Variants in CALN1 observed in about 807,000 individuals in gnomAD.
CALN1 encodes calneuron 1.
Under a neutral mutation model 30.6 loss-of-function variants are expected in CALN1, and 17 were observed. That is an observed-to-expected ratio of 0.56 (90% CI 0.38 to 0.83). The LOEUF (loss-of-function observed/expected upper bound fraction) is 0.83. CALN1 is among the 40% of genes least tolerant of loss of function. CALN1 has a pLI of 0.00. For synonymous variants in CALN1, 156 were observed against 131.4 expected (o/e 1.19, Z -1.28); for missense variants, 291 against 354.9 (o/e 0.82, Z 1.45).
chr7:72,449,498 C>T (rs564712069), upstream of CALN1, among the ~76,000 whole-genome samples: 17 of 152,270 alleles, frequency 1.1e-4, no homozygotes, highest in South Asian at 2.9e-3. Flanking sequence ...CCCTCTGTGC[C>T]CACTTTACCC....
At chr7:72,378,683 C>T (rs980157179) in intron 2 of CALN1, among the ~76,000 whole-genome samples, 3 of 44,708 alleles carry the variant, frequency 6.7e-5, no homozygotes, top group Admixed American at 3.8e-4. Flanking sequence ...TTTCCATCTG[C>T]CAAGTTTTTT....
intron 4 of CALN1, among the ~76,000 whole-genome samples, chr7:72,083,156 G>A (rs34913023): frequency 1.3e-5 from 2 of 151,834 alleles, no homozygotes; most frequent in Non-Finnish European, 2.9e-5. Flanking sequence ...AGCCGAGATC[G>A]CACCACTGCA....
chr7:72,295,112 G>T (rs1158126123), intron 2 of CALN1, among the ~76,000 whole-genome samples: 1 of 152,032 alleles, frequency 6.6e-6, no homozygotes, highest in Non-Finnish European at 1.5e-5. Context: ...CACTACTAAA[G>T]AATTTATGTA....
At chr7:71,885,519 T>C (rs1007299572) in intron 5 of CALN1, among the ~76,000 whole-genome samples, 4 of 152,220 alleles carry the variant, frequency 2.6e-5, no homozygotes, top group Non-Finnish European at 5.9e-5. Flanking sequence ...AAAACAAAGC[T>C]GCACCCGGAC....
At chr7:72,440,939 CA>C (rs1270597351) in intron 1 of CALN1, among the ~76,000 whole-genome samples, 1 of 152,078 alleles carries the variant, frequency 6.6e-6, no homozygotes, top group Non-Finnish European at 1.5e-5. Context: ...AATACAAATA[CA>C]AATTTTTTGG....
At chr7:71,890,746 C>CTTTTTTTTTTTTTTTTTTTTTTGTTT (rs10690153) in intron 5 of CALN1, among the ~76,000 whole-genome samples, 1 of 123,226 alleles carries the variant, frequency 8.1e-6, no homozygotes, top group African/African-American at 3.0e-5. Flanking sequence ...TGTTTTCTAG[C>CTTTTTTTTTTTTTTTTTTTTTTGTTT]TTTTTTTTTT....
intron 5 of CALN1, among the ~76,000 whole-genome samples, chr7:71,819,302 G>A (rs184252033): frequency 1.6e-3 from 244 of 150,834 alleles, no homozygotes; most frequent in African/African-American, 5.7e-3. Flanking sequence ...TCCACCTTCC[G>A]GTTTCAAGCA....
intron 3 of CALN1, among the ~76,000 whole-genome samples, chr7:72,218,305 G>A (rs1003094749): frequency 4.6e-5 from 7 of 151,764 alleles, no homozygotes; most frequent in South Asian, 2.1e-4. Context: ...AAAATTATCC[G>A]GGCATGGTGG....
chr7:72,153,585 G>A (rs772630637), intron 3 of CALN1, among the ~76,000 whole-genome samples: 4 of 152,028 alleles, frequency 2.6e-5, no homozygotes, highest in Non-Finnish European at 4.4e-5. Flanking sequence ...TCGGGAGGCT[G>A]AAGCAGAAGG....
intron 5 of CALN1, among the ~76,000 whole-genome samples, chr7:72,017,635 T>C (rs755498497): frequency 6.6e-6 from 1 of 152,196 alleles, no homozygotes; most frequent in Non-Finnish European, 1.5e-5. Context: ...ATGGGCTTCT[T>C]GTCTCCCGAC....
chr7:72,448,261 G>T (rs187881219), upstream of CALN1, among the ~76,000 whole-genome samples: 4 of 152,350 alleles, frequency 2.6e-5, no homozygotes, highest in East Asian at 7.7e-4. Context: ...AAGTAGTTGT[G>T]ACACACAGCA....
chr7:71,839,005 T>A (rs938624123), intron 5 of CALN1, among the ~76,000 whole-genome samples: 1 of 152,244 alleles, frequency 6.6e-6, no homozygotes, highest in Non-Finnish European at 1.5e-5. Context: ...AGAGAGGGTC[T>A]CACCATGTTG....
intron 5 of CALN1, among the ~76,000 whole-genome samples, chr7:71,928,176 C>T (rs766811219): frequency 6.6e-6 from 1 of 152,190 alleles, no homozygotes; most frequent in South Asian, 2.1e-4. Context: ...GAGTGCACAA[C>T]GGAGGTCCAT....
intron 3 of CALN1, among the ~76,000 whole-genome samples, chr7:72,119,953 A>C (rs1320318407): frequency 6.6e-6 from 1 of 152,160 alleles, no homozygotes; most frequent in Non-Finnish European, 1.5e-5. Context: ...GTTTTTTAAA[A>C]GTAATTTCAA....
At position 71,836,184 on chromosome 7, in the gene CALN1, C is replaced by T. The variant is rs113884783; in HGVS notation, c.502-25692G>A. Among the ~76,000 whole-genome samples, 1,261 of 152,318 alleles carry T rather than the reference C, an allele frequency of 8.3e-3. 15 individuals are homozygous for T. Among genetic ancestry groups the T allele is most frequent in the African/African-American group, 0.029 (1,196 of 41,568 alleles). On this transcript the variant is annotated intron_variant, in intron 5 of 6. Coordinates refer to ENST00000395275, the MANE Select transcript of CALN1 (RefSeq NM_031468.4). The stretch of plus-strand genomic sequence containing the variant: ...GCCCAGCCTGGATCAACCGGGTCTC[C>T]GCCTACCTGCGGATCCTGGAACATC...
At position 72,358,214 on chromosome 7, in the gene CALN1, C is replaced by G. The variant is rs533708930; in HGVS notation, c.119+45037G>C. Among the ~76,000 whole-genome samples the G allele has an allele frequency of 4.0e-5, 6 of 151,892 alleles. No homozygotes were observed. In the South Asian group the frequency reaches 6.2e-4, roughly 16 times the overall value. ...CACTATGTTGCCCAGGCACTGGTCT[C>G]AAATGCCTGGCCTCACGTGACCCTT... is the stretch of plus-strand genomic sequence containing the variant. On this transcript the variant is annotated intron_variant, in intron 2 of 6. Coordinates refer to ENST00000395275, the MANE Select transcript of CALN1 (RefSeq NM_031468.4).
intron 3 of CALN1, among the ~76,000 whole-genome samples, chr7:72,160,409 G>A (rs889403873): frequency 3.3e-5 from 5 of 151,870 alleles, no homozygotes; most frequent in African/African-American, 1.2e-4. Context: ...CACCCGAGTA[G>A]CTGGGATTAC....
At chr7:72,054,031 A>G (rs1423394428) in intron 4 of CALN1, among the ~76,000 whole-genome samples, 1 of 151,966 alleles carries the variant, frequency 6.6e-6, no homozygotes, top group African/African-American at 2.4e-5. Flanking sequence ...CAATTTCTTT[A>G]TCCACTCATT....
At chr7:72,363,994 C>T (rs907910690) in intron 2 of CALN1, among the ~76,000 whole-genome samples, 1 of 151,716 alleles carries the variant, frequency 6.6e-6, no homozygotes, top group African/African-American at 2.4e-5. Context: ...CTCAGTCTCT[C>T]AAAGTGTTGG....
Sources: gnomAD v4.1 joint callset for allele counts (sites outside exome capture counted in the v4.1 genomes callset) on GRCh38, gnomAD v4.1.1 for gene constraint, MANE v1.5 for transcripts, NCBI Gene and HGNC (gene_info 2026-07-23, HGNC 2026-07-21) for gene names.